The following GRID2 variants were observed in gnomAD, a reference collection of about 807,000 sequenced individuals.
GRID2 encodes glutamate receptor ionotropic, delta-2.
GRID2 carries 33 observed loss-of-function variants against 114.8 expected under a neutral mutation model. The ratio of observed to expected loss-of-function variants is 0.29; its 90% CI spans 0.22 to 0.38. The LOEUF (loss-of-function observed/expected upper bound fraction) is 0.38, where lower values mean the gene tolerates loss of function less well. Among genes scored for constraint, GRID2 ranks in the 10% least tolerant of loss-of-function variants. GRID2 has a pLI of 1.00. For synonymous variants in GRID2, 505 were observed against 449.9 expected, an observed-to-expected ratio of 1.12 and a Z score of -1.55; for missense variants, 1,184 against 1,257.7, an observed-to-expected ratio of 0.94 and a Z score of 0.89.
At position 93,780,347 on chromosome 4, in the gene GRID2, C is replaced by A. The variant is rs1734455186; in HGVS notation, c.221+10897C>A. On this transcript the variant is annotated intron_variant, in intron 1 of 1. Coordinates refer to the GRID2 transcript ENST00000637838. ...GGCTCTGAGGTGAGAATGTCCTGGG[C>A]ATGTCTAAAGAATAGCGAGACGATC... is the stretch of plus-strand genomic sequence containing the variant. Among the ~76,000 whole-genome samples the A allele has an allele frequency of 2.0e-5, 3 of 152,242 alleles. No individual in the cohort carries two copies. In the East Asian group the frequency reaches 5.8e-4, roughly 29 times the overall value.
At chr4:92,424,538 T>G (rs1012459196) in intron 1 of GRID2, among the ~76,000 whole-genome samples, 9 of 152,016 alleles carry the variant, frequency 5.9e-5, no homozygotes, top group Non-Finnish European at 1.0e-4. Flanking sequence ...GGAAGTAATA[T>G]TTTATGAACA....
intron 11 of GRID2, among the ~76,000 whole-genome samples, chr4:93,464,209 G>A (rs566160216): frequency 7.9e-5 from 12 of 152,240 alleles, no homozygotes; most frequent in South Asian, 4.2e-4. Context: ...TGGTGGTAGA[G>A]AACATCATTT....
intron 2 of GRID2, among the ~76,000 whole-genome samples, chr4:92,733,177 G>A (rs1230406881): frequency 6.6e-6 from 1 of 152,030 alleles, no homozygotes; most frequent in East Asian, 1.9e-4. Context: ...CATTGCTACT[G>A]TATCACAGCA....
rs1482563784 is a variant in GRID2 at position 92,719,426 on chromosome 4, AATGCT to A, written c.244+129142_244+129146del. On this transcript the variant is annotated intron_variant, in intron 2 of 15. Coordinates refer to ENST00000282020, the MANE Select transcript of GRID2 (RefSeq NM_001510.4). ...TACGGTGATTTTCTTGTAAATATTA[AATGCT>A]ACAATGGTTTAATTAATGATCGTTA... Among the ~76,000 whole-genome samples the A allele has an allele frequency of 2.6e-5, 4 of 152,288 alleles. No homozygotes were observed. The East Asian group carries it at 7.7e-4, about 29-fold the overall frequency.
chr4:92,443,783 A>G (rs1029076256), intron 1 of GRID2, among the ~76,000 whole-genome samples: 2 of 152,186 alleles, frequency 1.3e-5, no homozygotes, highest in African/African-American at 2.4e-5. Flanking sequence ...GGACCAAGGC[A>G]GGCGTCCCTG....
intron 14 of GRID2, among the ~76,000 whole-genome samples, chr4:93,700,389 CTT>C (rs1323815686): frequency 6.6e-6 from 1 of 152,056 alleles, no homozygotes; most frequent in Non-Finnish European, 1.5e-5. Flanking sequence ...AGGATTCACT[CTT>C]GAACATTTCG....
chr4:93,390,351 C>T (rs908043967), intron 8 of GRID2, among the ~76,000 whole-genome samples: 1 of 152,124 alleles, frequency 6.6e-6, no homozygotes, highest in Non-Finnish European at 1.5e-5. Flanking sequence ...AAAAATGAGA[C>T]TGAGCAAGGA....
chr4:93,544,210 G>C, intron 13 of GRID2, among the ~76,000 whole-genome samples: 1 of 151,996 alleles, frequency 6.6e-6, no homozygotes, highest in Non-Finnish European at 1.5e-5. Context: ...AATGACACTT[G>C]TTCTCAAATG....
chr4:92,734,329 C>T (rs1287746422), intron 2 of GRID2, among the ~76,000 whole-genome samples: 1 of 151,704 alleles, frequency 6.6e-6, no homozygotes, highest in Non-Finnish European at 1.5e-5. Flanking sequence ...CTCTATCACC[C>T]AGGCTGAATG....
At chr4:92,847,408 G>A (rs150612127) in intron 2 of GRID2, among the ~76,000 whole-genome samples, 17 of 152,096 alleles carry the variant, frequency 1.1e-4, no homozygotes, top group Admixed American at 3.3e-4. Context: ...GCACTCAATA[G>A]CTGCTACATG....
At chr4:93,055,186 C>A (rs1727105938) in intron 2 of GRID2, among the ~76,000 whole-genome samples, 1 of 151,580 alleles carries the variant, frequency 6.6e-6, no homozygotes, top group Non-Finnish European at 1.5e-5. Context: ...TCAATTATTT[C>A]TGCAAAGTAA....
At chr4:92,740,742 GGATA>G (rs1164814479) in intron 2 of GRID2, among the ~76,000 whole-genome samples, 7 of 111,488 alleles carry the variant, frequency 6.3e-5, no homozygotes, top group African/African-American at 1.4e-4. Flanking sequence ...ATAGATAGAT[GGATA>G]GATAGATAGA....
intron 2 of GRID2, among the ~76,000 whole-genome samples, chr4:92,714,022 A>G (rs1265701143): frequency 6.6e-6 from 1 of 152,136 alleles, no homozygotes; most frequent in Non-Finnish European, 1.5e-5. Context: ...TCAAAAGTCC[A>G]CAGTCCAACA....
intron 1 of GRID2, among the ~76,000 whole-genome samples, chr4:92,502,061 T>G (rs1723710645): frequency 1.3e-5 from 2 of 152,130 alleles, no homozygotes; most frequent in South Asian, 4.1e-4. Flanking sequence ...TATTAAAAAA[T>G]TCCTTTGGAA....
chr4:93,057,816 T>A (rs2149289018), intron 2 of GRID2, among the ~76,000 whole-genome samples: 1 of 152,064 alleles, frequency 6.6e-6, no homozygotes. Context: ...TAAGTTTATA[T>A]TTCAGGTATG....
chr4:93,241,218 C>T (rs979010136), intron 8 of GRID2, among the ~76,000 whole-genome samples: 3 of 151,736 alleles, frequency 2.0e-5, no homozygotes, highest in Non-Finnish European at 4.4e-5. Flanking sequence ...AGCACTCTTG[C>T]TCAGACTTTT....
At chr4:92,873,925 G>T (rs1328760722) in intron 2 of GRID2, among the ~76,000 whole-genome samples, 1 of 152,080 alleles carries the variant, frequency 6.6e-6, no homozygotes, top group Non-Finnish European at 1.5e-5. Flanking sequence ...TGCTGGTCAG[G>T]CTGGTCTCGA....
At chr4:93,809,716 T>C (rs1735095381) in exon 2 of GRID2, 1 of 152,238 alleles carries the variant, frequency 6.6e-6, no homozygotes, top group African/African-American at 2.4e-5. Context: ...AATTTCCTTC[T>C]TGCTATAAGT....
rs868702504 is a variant in GRID2, at chr4:92,600,061, T to A, written c.244+9775T>A. 1.5e-3 allele frequency among the ~76,000 whole-genome samples: 191 copies of A among 123,266 alleles called. 2 individuals are homozygous for A. The highest frequency in any genetic ancestry group is 7.7e-3 in the South Asian group (29 of 3,756). 80.9% of individuals were successfully genotyped at this position (123,266 alleles called of 152,430 possible). On this transcript the variant is annotated intron_variant, in intron 2 of 15. Transcript: ENST00000282020. ...GTGTGTGTGTATATATATATATATA[T>A]ATATATATATATATATATATATATA...
Sources: gnomAD v4.1 joint callset for allele counts (sites outside exome capture counted in the v4.1 genomes callset) on GRCh38, gnomAD v4.1.1 for gene constraint, MANE v1.5 for transcripts, NCBI Gene and HGNC (gene_info 2026-07-23, HGNC 2026-07-21) for gene names.